PCNX1: variants seen among roughly 807,000 people sequenced by gnomAD.
PCNX1 encodes the protein pecanex 1.
Under a neutral mutation model 242.2 loss-of-function variants are expected in PCNX1, and 78 were observed. The ratio of observed to expected loss-of-function variants is 0.32; its 90% CI spans 0.27 to 0.39. PCNX1 has a LOEUF of 0.39. Ranked by LOEUF, PCNX1 falls within the 10% of genes least tolerant of loss-of-function variation. The pLI, the probability that PCNX1 is intolerant of heterozygous loss-of-function variation, is 1.00. For synonymous variants in PCNX1, 1,024 were observed against 1,032.9 expected, an observed-to-expected ratio of 0.99 and a Z score of 0.17; for missense variants, 2,581 against 2,856.5, an observed-to-expected ratio of 0.90 and a Z score of 2.20.
chr14:70,949,304 T>TACACACACACGTGTGTACACAC (rs2057667925), intron 2 of PCNX1, among the ~76,000 whole-genome samples: 1 of 120,332 alleles, frequency 8.3e-6, no homozygotes, highest in Non-Finnish European at 1.8e-5. Context: ...TGTACACACA[T>TACACACACACGTGTGTACACAC]ATGTGTGTAG....
Position 71,054,741 on chromosome 14 carries a change from G to T in PCNX1, c.4578-763G>T, listed in dbSNP as rs369525544. ...CGTTGTACTTCAGAAGGCAGCAGAA[G>T]TGCTTCATACGTATTTTCTCATTTT... On this transcript the variant is annotated intron_variant, in intron 24 of 35. Transcript: ENST00000304743. Among the ~76,000 whole-genome samples the T allele has an allele frequency of 3.6e-3, 551 of 152,254 alleles. 1 individual carries two copies. The highest frequency in any genetic ancestry group is 0.013 in the African/African-American group (534 of 41,548).
chr14:70,996,663 A>G (rs1385432484), intron 8 of PCNX1, among the ~76,000 whole-genome samples: 1 of 152,122 alleles, frequency 6.6e-6, no homozygotes, highest in Non-Finnish European at 1.5e-5. Context: ...CTCAGAATGC[A>G]GGTTAGTAAT....
chr14:71,039,212 T>TAA (rs999844203), intron 19 of PCNX1, among the ~76,000 whole-genome samples: 1 of 151,520 alleles, frequency 6.6e-6, no homozygotes, highest in Non-Finnish European at 1.5e-5. Flanking sequence ...CCCTAAAACT[T>TAA]AAAGTATAAT....
intron 5 of PCNX1, among the ~76,000 whole-genome samples, chr14:70,974,366 C>T (rs1021376180): frequency 6.6e-5 from 10 of 151,658 alleles, no homozygotes; most frequent in African/African-American, 2.2e-4. Context: ...AACTCCTGAC[C>T]TCGTGATCCA....
chr14:70,946,113 G>T (rs538391763), intron 1 of PCNX1, among the ~76,000 whole-genome samples: 13 of 152,294 alleles, frequency 8.5e-5, no homozygotes, highest in African/African-American at 3.1e-4. Flanking sequence ...ATGTTTGGCT[G>T]ACTTATTTTA....
chr14:70,949,531 T>C (rs550538775), intron 2 of PCNX1, among the ~76,000 whole-genome samples: 9 of 152,168 alleles, frequency 5.9e-5, no homozygotes, highest in African/African-American at 2.2e-4. Flanking sequence ...TTATAAGTAG[T>C]ATACTTTACT....
At position 70,977,849 on chromosome 14, in the gene PCNX1, C is replaced by G. The variant is rs1046927862; in HGVS notation, c.1512C>G (p.Asp504Glu). Residue 504 changes from aspartate (D) to glutamate (E), a missense_variant, in exon 6 of 36, where the codon GAC (aspartate) becomes GAG (glutamate). Physicochemically the swap from Asp to Glu is conservative, Grantham distance 45. Transcript: ENST00000304743. ...CAAATGAATTTACTTCCCAAGGGGA[C>G]AGACCACCTGGGAACACTGCAGAAA... Reference protein sequence around the residue: ...PHANEFTSQGDRPPGNTAENK... With the variant: ...PHANEFTSQGERPPGNTAENK... 8 of 1,613,986 alleles carry G rather than the reference C, an allele frequency of 5.0e-6. No individual in the cohort carries two copies. In the African/African-American group the frequency reaches 1.1e-4, roughly 22 times the overall value.
At chr14:70,948,799 C>T (rs2057583826) in intron 2 of PCNX1, among the ~76,000 whole-genome samples, 1 of 144,668 alleles carries the variant, frequency 6.9e-6, no homozygotes, top group Admixed American at 6.9e-5. Context: ...CTTATAAATG[C>T]TTATAAATCA....
chr14:70,977,209 T>C lies in PCNX1; in HGVS notation c.872T>C (p.Val291Ala), dbSNP rs2058713939. ...RGVPRTSSSA[V>A]AFPDTSLNDF... The stretch of plus-strand genomic sequence containing the variant: ...GTACCACGGACTTCTAGCTCTGCTG[T>C]GGCTTTTCCAGACACTTCACTGAAT... Residue 291 changes from valine to alanine, a missense_variant, in exon 6 of 36, where the codon GTG becomes GCG. By Grantham distance (64) the Val-to-Ala change is moderately conservative. Around this residue, in one of 9 missense-constraint regions of PCNX1, gnomAD observed 1,204 missense variants for 1,216.7 expected, o/e 0.99. Transcript: ENST00000304743. 1.2e-6 allele frequency: 2 copies of C among 1,614,118 alleles called. No individual in the cohort carries two copies. The highest frequency in any genetic ancestry group is 1.3e-5 in the African/African-American group (1 of 74,942).
At chr14:70,976,482 C>T (rs1481395435) in intron 5 of PCNX1, among the ~76,000 whole-genome samples, 2 of 151,524 alleles carry the variant, frequency 1.3e-5, no homozygotes, top group African/African-American at 2.4e-5. Flanking sequence ...ACACCATTCT[C>T]CTGCCTCAGC....
intron 1 of PCNX1, among the ~76,000 whole-genome samples, chr14:70,934,212 G>C (rs1332778728): frequency 1.8e-4 from 28 of 152,148 alleles, no homozygotes; most frequent in Admixed American, 1.8e-3. Flanking sequence ...TTGGCATCTT[G>C]AATAGCTTGA....
intron 25 of PCNX1, among the ~76,000 whole-genome samples, chr14:71,056,391 C>A (rs1331075922): frequency 6.6e-6 from 1 of 152,140 alleles, no homozygotes; most frequent in African/African-American, 2.4e-5. Flanking sequence ...GCTGATGATG[C>A]CATCCTGCAT....
chr14:70,987,125 G>A (rs750900716), intron 6 of PCNX1, among the ~76,000 whole-genome samples: 1 of 152,104 alleles, frequency 6.6e-6, no homozygotes, highest in African/African-American at 2.4e-5. Context: ...AATGCTGATT[G>A]CATTTTCATT....
At chr14:70,938,483 C>G (rs1036001316) in intron 1 of PCNX1, among the ~76,000 whole-genome samples, 3 of 152,188 alleles carry the variant, frequency 2.0e-5, no homozygotes, top group African/African-American at 4.8e-5. Context: ...ATAAAGCCCA[C>G]TTGATCATGG....
At chr14:70,970,220 C>CA (rs2058500527) in intron 5 of PCNX1, among the ~76,000 whole-genome samples, 1 of 151,384 alleles carries the variant, frequency 6.6e-6, no homozygotes, top group Non-Finnish European at 1.5e-5. Flanking sequence ...AAAAAATTTA[C>CA]CCGGGCATGA....
rs546876707 is a variant in PCNX1, at chr14:70,966,775, G to C, written c.469-1423G>C. On this transcript the variant is annotated intron_variant, in intron 3 of 35. Transcript: ENST00000304743. ...CCTAGATGGGTATGCATAAAATGGT[G>C]TTTTTGTTTTCTTGTTTGTTTTTAA... is the stretch of plus-strand genomic sequence containing the variant. 9.2e-5 allele frequency among the ~76,000 whole-genome samples: 14 copies of C among 152,184 alleles called. No individual in the cohort carries two copies. In the South Asian group the frequency reaches 2.9e-3, roughly 32 times the overall value.
intron 2 of PCNX1, among the ~76,000 whole-genome samples, chr14:70,953,061 A>C (rs889584279): frequency 6.6e-6 from 1 of 152,158 alleles, no homozygotes; most frequent in Non-Finnish European, 1.5e-5. Flanking sequence ...TGAAGCCAGG[A>C]GTTCCAGATC....
intron 10 of PCNX1, chr14:71,012,771 G>A (rs927659218): frequency 1.9e-5 from 9 of 470,470 alleles, no homozygotes; most frequent in African/African-American, 1.8e-4. Context: ...GGCAGAGGTT[G>A]CAGTGAGCCG....
intron 1 of PCNX1, among the ~76,000 whole-genome samples, chr14:70,942,468 C>A (rs2057291929): frequency 6.6e-6 from 1 of 151,194 alleles, no homozygotes; most frequent in Non-Finnish European, 1.5e-5. Context: ...CAGAACACTT[C>A]TGACAGCAGA....
Sources: allele counts gnomAD v4.1 joint callset (sites outside exome capture counted in the v4.1 genomes callset), GRCh38; gene constraint gnomAD v4.1.1; regional missense constraint gnomAD v4.1.1; transcripts MANE v1.5; gene names NCBI Gene and HGNC (gene_info 2026-07-23, HGNC 2026-07-21).